Variants in ZFYVE9 observed in about 807,000 individuals in gnomAD.
ZFYVE9 encodes zinc finger FYVE-type containing 9.
Under a neutral mutation model 126.7 loss-of-function variants are expected in ZFYVE9, and 43 were observed. The observed-to-expected ratio is 0.34, with a 90% CI of 0.27 to 0.44. The LOEUF (loss-of-function observed/expected upper bound fraction) is 0.44, where lower values mean the gene tolerates loss of function less well. Ranked by LOEUF, ZFYVE9 falls within the 20% of genes least tolerant of loss-of-function variation. The pLI is 1.00. For synonymous variants in ZFYVE9, 521 were observed against 597.4 expected (o/e 0.87, Z 1.87); for missense variants, 1,476 against 1,697.0 (o/e 0.87, Z 2.29).
At chr1:52,197,085 G>A (rs1028836206) in intron 1 of ZFYVE9, among the ~76,000 whole-genome samples, 2 of 151,904 alleles carry the variant, frequency 1.3e-5, no homozygotes, top group Admixed American at 1.3e-4. Flanking sequence ...AGGAGGAGGA[G>A]GCAGAAGTAG....
At chr1:52,153,441 G>A (rs913808434) in intron 1 of ZFYVE9, among the ~76,000 whole-genome samples, 5 of 152,170 alleles carry the variant, frequency 3.3e-5, no homozygotes, top group Admixed American at 6.5e-5. Context: ...TTTACCTAGT[G>A]GTTTGACCCA....
intron 1 of ZFYVE9, among the ~76,000 whole-genome samples, chr1:52,152,238 C>T (rs940331528): frequency 3.7e-4 from 56 of 152,318 alleles, no homozygotes; most frequent in African/African-American, 1.1e-3. Context: ...GATCCACCTG[C>T]CTCAGCCTCC....
At position 52,239,303 on chromosome 1, in the gene ZFYVE9, C is replaced by A. The variant is rs1236688170; in HGVS notation, c.1886C>A (p.Thr629Asn). ...GCAAAATTAGGGGAAAACTCAGCAA[C>A]CAATGTATGCAGTCCATCTTTGGGA... is the stretch of plus-strand genomic sequence containing the variant. ...GKAKLGENSA[T>N]NVCSPSLGNI... The change falls in exon 4 of 19, where the codon ACC becomes AAC. Residue 629 changes from threonine to asparagine, a missense_variant. By Grantham distance (65) the Thr-to-Asn change is moderately conservative (BLOSUM62 0). Around this residue, in one of 2 missense-constraint regions of ZFYVE9, gnomAD observed 807 missense variants for 794.6 expected, o/e 1.02. Transcript: ENST00000287727. 1.9e-6 allele frequency: 3 copies of A among 1,614,144 alleles called. No homozygotes were observed. The highest frequency in any genetic ancestry group is 2.5e-6 in the Non-Finnish European group (3 of 1,179,996).
intron 10 of ZFYVE9, among the ~76,000 whole-genome samples, chr1:52,284,900 G>A (rs1569669793): frequency 6.6e-6 from 1 of 151,960 alleles, no homozygotes; most frequent in Non-Finnish European, 1.5e-5. Flanking sequence ...ATAGGGACAC[G>A]AACATATATA....
chr1:52,256,046 TC>T (rs1365779008), intron 4 of ZFYVE9, among the ~76,000 whole-genome samples: 1 of 9,322 alleles, frequency 1.1e-4, no homozygotes, highest in Non-Finnish European at 1.5e-4. Context: ...TCTTTCTTTC[TC>T]TCTCTCTCTC....
At chr1:52,216,221 G>A in intron 1 of ZFYVE9, 148 bp from the exon 2 acceptor site, 1 of 394,398 alleles carries the variant, frequency 2.5e-6, no homozygotes, top group Non-Finnish European at 4.5e-6. Context: ...TACCTTGTAT[G>A]CAAGCCAGGT....
At position 52,344,961 on chromosome 1, in the gene ZFYVE9, G is replaced by A. The variant is rs776427746; in HGVS notation, c.4116+17G>A. The A allele has an allele frequency of 3.1e-6, 5 of 1,610,904 alleles. No homozygotes were observed. The highest frequency in any genetic ancestry group is 4.5e-5 in the East Asian group (2 of 44,814). On this transcript the variant is annotated intron_variant, in intron 18 of 18. Coordinates refer to ENST00000287727, the MANE Select transcript of ZFYVE9 (RefSeq NM_004799.4). ...TCAGATCAGGTATGATGTGTCTTCC[G>A]CAGCTTTTAAAGCTGGCCTTGGGCA...
Position 52,299,734 on chromosome 1 carries a change from A to G in ZFYVE9, c.3333+3757A>G, listed in dbSNP as rs2147837710. Among the ~76,000 whole-genome samples, 3 of 152,320 alleles carry G rather than the reference A, an allele frequency of 2.0e-5. No homozygotes were observed. The Middle Eastern group carries it at 0.01, about 518-fold the overall frequency. On this transcript the variant is annotated intron_variant, in intron 12 of 18. Transcript: ENST00000287727. ...AGCTGGATGATGGTGATACAGCTAC[A>G]TGTGTGTGTTGTGGACTGACAGTGG...
At chr1:52,313,381 C>T (rs1025754717) in intron 13 of ZFYVE9, among the ~76,000 whole-genome samples, 2 of 152,078 alleles carry the variant, frequency 1.3e-5, no homozygotes, top group Non-Finnish European at 2.9e-5. Context: ...TAGGGGAAAC[C>T]CAAACTGACT....
intron 1 of ZFYVE9, among the ~76,000 whole-genome samples, chr1:52,148,850 C>T (rs1644328074): frequency 6.6e-6 from 1 of 150,676 alleles, no homozygotes. Context: ...CCATGTTGGC[C>T]AGGCCGGTCT....
rs922559684 is a variant in ZFYVE9, at chr1:52,180,713, C to T, written c.-142-35656C>T. ...TTGCTGGGCCGGGCGCGGTGGCTTACGCCTGTAATCCCAGTGCTTTGGGAG... is the reference window on the plus strand; with the variant it reads ...TTGCTGGGCCGGGCGCGGTGGCTTATGCCTGTAATCCCAGTGCTTTGGGAG... On this transcript the variant is annotated intron_variant, in intron 1 of 18. Coordinates refer to ENST00000287727, the MANE Select transcript of ZFYVE9 (RefSeq NM_004799.4). 3.3e-5 allele frequency among the ~76,000 whole-genome samples: 5 copies of T among 151,990 alleles called. No homozygotes were observed. In the South Asian group the frequency reaches 8.3e-4, roughly 25 times the overall value.
intron 2 of ZFYVE9, among the ~76,000 whole-genome samples, chr1:52,217,940 C>T (rs1247988431): frequency 6.6e-6 from 1 of 152,184 alleles, no homozygotes; most frequent in Non-Finnish European, 1.5e-5. Flanking sequence ...TTTATGGCAT[C>T]TCTGGTATAA....
At chr1:52,149,654 G>A (rs554905607) in intron 1 of ZFYVE9, among the ~76,000 whole-genome samples, 8 of 152,204 alleles carry the variant, frequency 5.3e-5, no homozygotes, top group South Asian at 2.1e-4. Flanking sequence ...GCCACCACGC[G>A]TGGCTAATTT....
intron 10 of ZFYVE9, among the ~76,000 whole-genome samples, chr1:52,289,115 T>C (rs1196780457): frequency 6.6e-6 from 1 of 152,156 alleles, no homozygotes; most frequent in Non-Finnish European, 1.5e-5. Flanking sequence ...TGGCTACTTA[T>C]AAGCATTTGA....
At chr1:52,143,575 G>T (rs2124483915) in intron 1 of ZFYVE9, among the ~76,000 whole-genome samples, 1 of 152,298 alleles carries the variant, frequency 6.6e-6, no homozygotes, top group Middle Eastern at 3.4e-3. Context: ...TAATCTCACA[G>T]ATTGTAAACA....
At chr1:52,251,029 G>GTTT (rs1557480896) in intron 4 of ZFYVE9, among the ~76,000 whole-genome samples, 2 of 88,452 alleles carry the variant, frequency 2.3e-5, no homozygotes, top group Non-Finnish European at 4.0e-5. Flanking sequence ...AGTCGTTTTT[G>GTTT]TTGTTGTTGT....
At chr1:52,289,036 CT>C (rs1645892537) in intron 10 of ZFYVE9, among the ~76,000 whole-genome samples, 1 of 151,188 alleles carries the variant, frequency 6.6e-6, no homozygotes, top group African/African-American at 2.4e-5. Flanking sequence ...AATAAATATA[CT>C]TTGAAACAAA....
Position 52,274,574 on chromosome 1 carries a change from T to C in ZFYVE9, c.2736T>C (p.Gly912=), listed in dbSNP as rs1460118698. The C allele has an allele frequency of 1.9e-6, 3 of 1,608,596 alleles. No homozygotes were observed. Among genetic ancestry groups the C allele is most frequent in the Non-Finnish European group, 2.5e-6 (3 of 1,176,484 alleles). ...TTCCTCCCATTCTCATCTCCACTGG[T>C]GTAAAAGGAGGTAAGTGGACTACAT... ...DGLPPILIST[G]VKGDYAVEEK... Residue 912 remains glycine (G), a synonymous_variant, in exon 8 of 19, where the codon GGT becomes GGC. Coordinates refer to ENST00000287727, the MANE Select transcript of ZFYVE9 (RefSeq NM_004799.4).
chr1:52,317,401 A>G (rs540247940), intron 13 of ZFYVE9, among the ~76,000 whole-genome samples: 1 of 151,856 alleles, frequency 6.6e-6, no homozygotes, highest in South Asian at 2.1e-4. Context: ...GCGTGTCTGT[A>G]ATCCCAGGAG....
Sources: allele counts gnomAD v4.1 joint callset (sites outside exome capture counted in the v4.1 genomes callset), GRCh38; gene constraint gnomAD v4.1.1; regional missense constraint gnomAD v4.1.1; transcripts MANE v1.5; gene names NCBI Gene and HGNC (gene_info 2026-07-23, HGNC 2026-07-21).